The following NGEF variants were observed in gnomAD, a reference collection of about 807,000 sequenced individuals.
The protein encoded by NGEF is neuronal guanine nucleotide exchange factor.
Under a neutral mutation model 80.9 loss-of-function variants are expected in NGEF, and 31 were observed. That is an observed-to-expected ratio of 0.38 (90% confidence interval 0.29 to 0.52). The LOEUF (loss-of-function observed/expected upper bound fraction) is 0.52. Among genes scored for constraint, NGEF ranks in the 20% least tolerant of loss-of-function variants. NGEF has a pLI of 0.84. For synonymous variants in NGEF, 371 were observed against 370.2 expected (o/e 1.00, Z -0.03); for missense variants, 709 against 926.2 (o/e 0.77, Z 3.04).
chr2:232,956,271 T>C (rs914001182), intron 3 of NGEF, among the ~76,000 whole-genome samples: 6 of 152,158 alleles, frequency 3.9e-5, no homozygotes, highest in South Asian at 4.2e-4. Context: ...TTGAGAGAAT[T>C]TGAGAGAAAC....
intron 3 of NGEF, among the ~76,000 whole-genome samples, chr2:232,947,617 G>T (rs995364523): frequency 6.6e-6 from 1 of 152,172 alleles, no homozygotes; most frequent in African/African-American, 2.4e-5. Flanking sequence ...TTCGCCTTCT[G>T]CCATAATTGT....
At chr2:232,888,319 CATGCACACCATGCACATG>C (rs1211225503) in intron 8 of NGEF, among the ~76,000 whole-genome samples, 1 of 151,988 alleles carries the variant, frequency 6.6e-6, no homozygotes, top group Admixed American at 6.5e-5. Context: ...CTCGCACACA[CATGCACACCATGCACATG>C]ATGCACACCT....
chr2:232,886,102 CCATGTGTGCA>C (rs1691673758), intron 9 of NGEF, among the ~76,000 whole-genome samples: 7 of 77,414 alleles, frequency 9.0e-5, no homozygotes, highest in Admixed American at 2.5e-4. Flanking sequence ...GCTGTGTGTG[CCATGTGTGCA>C]TGTGTGTGCT....
At chr2:232,907,303 T>C (rs1235885311) in intron 5 of NGEF, among the ~76,000 whole-genome samples, 2 of 151,930 alleles carry the variant, frequency 1.3e-5, no homozygotes, top group African/African-American at 4.8e-5. Context: ...TTTCCTTGTG[T>C]GAACAGTAAT....
At chr2:232,905,437 G>T (rs1287456733) in intron 5 of NGEF, among the ~76,000 whole-genome samples, 1 of 152,076 alleles carries the variant, frequency 6.6e-6, no homozygotes, top group African/African-American at 2.4e-5. Flanking sequence ...GCAGTGGCGT[G>T]ATCTCGGCTC....
chr2:232,977,161 CAGAG>C (rs374272424), intron 1 of NGEF, among the ~76,000 whole-genome samples: 65 of 151,176 alleles, frequency 4.3e-4, no homozygotes, highest in African/African-American at 1.2e-3. Flanking sequence ...AGCAAGAGGA[CAGAG>C]AGAGAGAGAG....
chr2:232,887,055 C>A (rs1156534382), intron 9 of NGEF, among the ~76,000 whole-genome samples: 1 of 152,214 alleles, frequency 6.6e-6, no homozygotes, highest in Admixed American at 6.5e-5. Flanking sequence ...GTAGGAAGTC[C>A]TCATGTCTCA....
In NGEF at chr2:232,892,836, C is replaced by T; in HGVS notation, c.1142+62G>A. On this transcript the variant is annotated intron_variant, in intron 7 of 14. Coordinates refer to ENST00000264051, the MANE Select transcript of NGEF (RefSeq NM_019850.3). This position sits in a 1 kb window ranked among gnomAD's most constrained non-coding sequence, Gnocchi z 4.0. ...TCACCGTGTAAGGAGCCTGGGCCAG[C>T]ACTGGTATGGCTGCCCCGGGCACCT... 1 of 1,561,850 alleles carries T rather than the reference C, an allele frequency of 6.4e-7. No individual in the cohort carries two copies. The highest frequency in any genetic ancestry group is 8.8e-7 in the Non-Finnish European group (1 of 1,141,326).
At chr2:232,918,941 C>T (rs543258364) in intron 5 of NGEF, among the ~76,000 whole-genome samples, 1 of 152,292 alleles carries the variant, frequency 6.6e-6, no homozygotes, top group South Asian at 2.1e-4. Context: ...TTCTAAGTTT[C>T]ACATCAGAAG....
rs180700470 is a variant in NGEF, at chr2:232,957,205, G to A, written c.383+13009C>T. On this transcript the variant is annotated intron_variant, in intron 3 of 14. Coordinates refer to ENST00000264051, the MANE Select transcript of NGEF (RefSeq NM_019850.3). ...TAAATCTAAATGGGCAATTTAACAA[G>A]GGAGAAGATGTCAAGAGTTTAAAAA... Among the ~76,000 whole-genome samples the A allele has an allele frequency of 5.8e-4, 88 of 152,248 alleles. 1 individual carries two copies. The highest frequency in any genetic ancestry group is 2.0e-3 in the African/African-American group (84 of 41,542).
At chr2:232,970,010 A>T in intron 3 of NGEF, 3 of 312,054 alleles carry the variant, frequency 9.6e-6, no homozygotes, top group Non-Finnish European at 5.8e-6. Flanking sequence ...GCCCACAAAT[A>T]TTTTTTTAAA....
chr2:232,957,262 A>C (rs941891472), intron 3 of NGEF, among the ~76,000 whole-genome samples: 1 of 152,170 alleles, frequency 6.6e-6, no homozygotes, highest in Admixed American at 6.5e-5. Context: ...GAGAAAATCC[A>C]CAGTTCAAGC....
At chr2:232,956,587 C>A (rs937196214) in intron 3 of NGEF, among the ~76,000 whole-genome samples, 1 of 151,702 alleles carries the variant, frequency 6.6e-6, no homozygotes, top group East Asian at 1.9e-4. Flanking sequence ...GCCAACATGG[C>A]GAAACTCCGT....
At chr2:232,889,824 T>C (rs750165852) in intron 8 of NGEF, among the ~76,000 whole-genome samples, 1 of 152,194 alleles carries the variant, frequency 6.6e-6, no homozygotes, top group Non-Finnish European at 1.5e-5. Flanking sequence ...TCTGTAATTC[T>C]GCTCTTTCTG....
chr2:233,001,519 G>C (rs1025865522), intron 1 of NGEF, among the ~76,000 whole-genome samples: 1 of 152,124 alleles, frequency 6.6e-6, no homozygotes, highest in Non-Finnish European at 1.5e-5. Flanking sequence ...GGGCCTTGGT[G>C]GGGGGCAGAG....
chr2:232,881,121 C>T (rs2106208226), intron 14 of NGEF, 25 bp downstream of exon 14: 2 of 1,605,076 alleles, frequency 1.2e-6, no homozygotes, highest in Non-Finnish European at 1.7e-6. Context: ...CCTGGGGGCC[C>T]CGAGGGGAGG....
At chr2:232,913,207 T>C (rs950072988) in intron 5 of NGEF, among the ~76,000 whole-genome samples, 4 of 152,238 alleles carry the variant, frequency 2.6e-5, no homozygotes, top group Admixed American at 6.5e-5. Flanking sequence ...TTCAGTCACT[T>C]CAAAATATTT....
chr2:233,003,879 G>C (rs1695031888), intron 1 of NGEF, among the ~76,000 whole-genome samples: 1 of 152,184 alleles, frequency 6.6e-6, no homozygotes, highest in Non-Finnish European at 1.5e-5. Flanking sequence ...TGGTGGTTGT[G>C]CCCCTGGCCC....
At chr2:232,931,100 AAG>A (rs1279959586) in intron 3 of NGEF, among the ~76,000 whole-genome samples, 2 of 152,204 alleles carry the variant, frequency 1.3e-5, no homozygotes, top group Non-Finnish European at 2.9e-5. Flanking sequence ...AAAATAGAAA[AAG>A]AGAGAGAGGA....
Sources: allele counts gnomAD v4.1 joint callset (sites outside exome capture counted in the v4.1 genomes callset), GRCh38; gene constraint gnomAD v4.1.1; non-coding constraint Gnocchi (gnomAD v3.1); transcripts MANE v1.5; gene names NCBI Gene and HGNC (gene_info 2026-07-23, HGNC 2026-07-21).